Variants in ACO2 observed in about 807,000 individuals in gnomAD.
ACO2 encodes aconitase 2.
ACO2 carries 31 observed loss-of-function variants against 84.5 expected under a neutral mutation model. That is an observed-to-expected ratio of 0.37 (90% CI 0.28 to 0.50). ACO2 has a LOEUF of 0.50. Among genes scored for constraint, ACO2 ranks in the 20% least tolerant of loss-of-function variants. ACO2 has a pLI of 0.97. For missense variants in ACO2, 685 were observed against 1,029.3 expected (o/e 0.67, Z 4.58); for synonymous variants, 414 against 412.7 (o/e 1.00, Z -0.04).
At chr22:41,473,162 A>G (rs553060522) in intron 1 of ACO2, among the ~76,000 whole-genome samples, 1 of 152,286 alleles carries the variant, frequency 6.6e-6, no homozygotes, top group East Asian at 1.9e-4. Flanking sequence ...CATCCTGAGG[A>G]TTAAGGGAGC....
intron 1 of ACO2, among the ~76,000 whole-genome samples, chr22:41,482,545 A>G (rs1447429666): frequency 6.6e-6 from 1 of 152,234 alleles, no homozygotes; most frequent in East Asian, 1.9e-4. Flanking sequence ...ACTCCCACTT[A>G]GGTGTAAAAT....
At chr22:41,516,522 C>T (rs1403216314) in intron 6 of ACO2, among the ~76,000 whole-genome samples, 1 of 152,178 alleles carries the variant, frequency 6.6e-6, no homozygotes, top group African/African-American at 2.4e-5. Flanking sequence ...CCCTGGCAGC[C>T]CTGCAGAACT....
intron 7 of ACO2, among the ~76,000 whole-genome samples, chr22:41,518,234 TC>T (rs2146128113): frequency 6.6e-6 from 1 of 152,250 alleles, no homozygotes; most frequent in Non-Finnish European, 1.5e-5. Context: ...GCTCTTCACT[TC>T]CAGGACACCC....
chr22:41,527,511 T>G, intron 16 of ACO2, 91 bp downstream of exon 16: 7 of 1,512,312 alleles, frequency 4.6e-6, no homozygotes, highest in Non-Finnish European at 6.2e-6. Flanking sequence ...GGCCTGGTTC[T>G]AGGCTGTGTC....
At chr22:41,492,816 C>T (rs956392199) in intron 1 of ACO2, among the ~76,000 whole-genome samples, 11 of 151,786 alleles carry the variant, frequency 7.2e-5, no homozygotes, top group Admixed American at 1.3e-4. Context: ...TCATGGCAGG[C>T]GCCTGTAATC....
At chr22:41,487,551 G>A (rs1464542829) in intron 1 of ACO2, among the ~76,000 whole-genome samples, 1 of 152,166 alleles carries the variant, frequency 6.6e-6, no homozygotes, top group Non-Finnish European at 1.5e-5. Flanking sequence ...GCATTGACTT[G>A]ATAATTGGAG....
chr22:41,485,434 A>ATT (rs71184813), intron 1 of ACO2, among the ~76,000 whole-genome samples: 124 of 69,004 alleles, frequency 1.8e-3, no homozygotes, highest in South Asian at 3.0e-3. Flanking sequence ...TGCCCGGCTA[A>ATT]TTTTTTTTTT....
chr22:41,515,570 G>A lies in ACO2; in HGVS notation c.684+35G>A, dbSNP rs762510617. 15 of 1,589,156 alleles carry A rather than the reference G, an allele frequency of 9.4e-6. No homozygotes were observed. The Admixed American group carries it at 1.6e-4, about 16-fold the overall frequency. On this transcript the variant is annotated intron_variant, in intron 5 of 17. Transcript: ENST00000216254. This position sits in a 1 kb window ranked among gnomAD's most constrained non-coding sequence, Gnocchi z 5.8. Reference sequence around the variant, plus strand: ...GGGAGGGACTCATTCTGGGCTGGCTGTGGGGTGGTGGTTGGTGGGGATGAA... The same window carrying A: ...GGGAGGGACTCATTCTGGGCTGGCTATGGGGTGGTGGTTGGTGGGGATGAA...
intron 8 of ACO2, 56 bp from the exon 9 acceptor site, chr22:41,520,115 C>T (rs1051325966): frequency 1.5e-5 from 23 of 1,495,372 alleles, no homozygotes; most frequent in African/African-American, 1.5e-4. Context: ...AGGCTGTCCC[C>T]GCTTCAAGGT....
At chr22:41,484,368 A>C (rs1428770272) in intron 1 of ACO2, among the ~76,000 whole-genome samples, 1 of 152,112 alleles carries the variant, frequency 6.6e-6, no homozygotes, top group South Asian at 2.1e-4. Flanking sequence ...GGAGTCATTG[A>C]GTATTAGAGA....
In ACO2 at chr22:41,484,390, T is replaced by C. The variant is rs888272092; in HGVS notation, c.36+15208T>C. Among the ~76,000 whole-genome samples, 5 of 152,226 alleles carry C rather than the reference T, an allele frequency of 3.3e-5. No homozygotes were observed. The East Asian group carries it at 9.6e-4, about 29-fold the overall frequency. On this transcript the variant is annotated intron_variant, in intron 1 of 17. Coordinates refer to ENST00000216254, the MANE Select transcript of ACO2 (RefSeq NM_001098.3). ...TTGAGTATTAGAGACCCACAAGATA[T>C]CCTGTACCAGGCCAGGGAGCTGGTG...
intron 1 of ACO2, among the ~76,000 whole-genome samples, chr22:41,473,709 G>A (rs1451224492): frequency 6.6e-6 from 1 of 152,122 alleles, no homozygotes. Context: ...TTTAACTGGG[G>A]TGTTTGGGGA....
Position 41,496,614 on chromosome 22 carries a change from G to A in ACO2, c.37-3112G>A, listed in dbSNP as rs149900021. 4.7e-3 allele frequency among the ~76,000 whole-genome samples: 715 copies of A among 152,274 alleles called. 4 individuals are homozygous for A. The highest frequency in any genetic ancestry group is 6.4e-3 in the Non-Finnish European group (435 of 68,016). On this transcript the variant is annotated intron_variant, in intron 1 of 17. Coordinates refer to ENST00000216254, the MANE Select transcript of ACO2 (RefSeq NM_001098.3). ...CTCCTCCACCCGTCACAGGGATAGC[G>A]TTTATCACTGCAGCAGAAATACACT... is the stretch of plus-strand genomic sequence containing the variant.
intron 1 of ACO2, among the ~76,000 whole-genome samples, chr22:41,485,744 G>A (rs1186005008): frequency 2.6e-5 from 4 of 151,714 alleles, no homozygotes; most frequent in Admixed American, 6.6e-5. Context: ...CGCTCGGCCC[G>A]CCCGGCTAAT....
chr22:41,506,392 A>G (rs2066393436), intron 2 of ACO2, among the ~76,000 whole-genome samples: 1 of 152,032 alleles, frequency 6.6e-6, no homozygotes, highest in Non-Finnish European at 1.5e-5. Flanking sequence ...AGCTGGGACT[A>G]CAGGCGCCCG....
chr22:41,475,121 T>A (rs1386500353), intron 1 of ACO2, among the ~76,000 whole-genome samples: 2 of 150,700 alleles, frequency 1.3e-5, no homozygotes, highest in Non-Finnish European at 3.0e-5. Context: ...AAGAGGGCCA[T>A]CTTGTAAATG....
At chr22:41,478,881 C>T (rs960369433) in intron 1 of ACO2, among the ~76,000 whole-genome samples, 2 of 151,498 alleles carry the variant, frequency 1.3e-5, no homozygotes, top group Non-Finnish European at 2.9e-5. Flanking sequence ...AGCAATTCTC[C>T]TGCCTCAGCC....
intron 4 of ACO2, 47 bp downstream of exon 4, chr22:41,512,015 G>C (rs770737230): frequency 6.6e-7 from 1 of 1,518,238 alleles, no homozygotes; most frequent in Non-Finnish European, 9.0e-7. Context: ...AGCCAGAGAA[G>C]TATGTTCCAG....
chr22:41,508,962 G>A (rs1304401644), intron 3 of ACO2, among the ~76,000 whole-genome samples: 1 of 152,156 alleles, frequency 6.6e-6, no homozygotes, highest in African/African-American at 2.4e-5. Flanking sequence ...CACTCGGGGC[G>A]GCGCTCTCAC....
Sources: allele counts gnomAD v4.1 joint callset (sites outside exome capture counted in the v4.1 genomes callset), GRCh38; gene constraint gnomAD v4.1.1; non-coding constraint Gnocchi (gnomAD v3.1); transcripts MANE v1.5; gene names NCBI Gene and HGNC (gene_info 2026-07-23, HGNC 2026-07-21).